Variants in DLGAP2 observed in about 807,000 individuals in gnomAD.
DLGAP2 encodes disks large-associated protein 2.
Under a neutral mutation model 100.3 loss-of-function variants are expected in DLGAP2, and 26 were observed. The observed-to-expected ratio is 0.26, with a 90% CI of 0.19 to 0.36. DLGAP2 has a LOEUF of 0.36. Ranked by LOEUF, DLGAP2 falls within the 10% of genes least tolerant of loss-of-function variation. The probability of loss-of-function intolerance (pLI) is 1.00; values close to 1 mark genes in which losing one functional copy is unlikely to be tolerated. For synonymous variants in DLGAP2, 886 were observed against 630.1 expected (o/e 1.41, Z -6.08); for missense variants, 1,858 against 1,453.2 (o/e 1.28, Z -4.53).
chr8:1,689,754 G>T (rs1024766373), intron 12 of DLGAP2, among the ~76,000 whole-genome samples: 1 of 152,174 alleles, frequency 6.6e-6, no homozygotes, highest in South Asian at 2.1e-4. Flanking sequence ...AGCCAGTGAT[G>T]GGGAGACGTG....
chr8:1,427,643 G>T (rs922101554), intron 3 of DLGAP2, among the ~76,000 whole-genome samples: 2 of 152,164 alleles, frequency 1.3e-5, no homozygotes, highest in Non-Finnish European at 2.9e-5. Flanking sequence ...CTGCTCTGTT[G>T]TCTTGATAGT....
chr8:999,146 C>G (rs983644005), intron 2 of DLGAP2, among the ~76,000 whole-genome samples: 1 of 151,978 alleles, frequency 6.6e-6, no homozygotes, highest in Non-Finnish European at 1.5e-5. Flanking sequence ...TTATTCTGCA[C>G]AAAGTTGAGA....
rs1799702993 is a variant in DLGAP2, at chr8:1,706,300, C to T, written c.*4894C>T. The stretch of plus-strand genomic sequence containing the variant: ...CTAGAAAGGGGATTACAGTTCCTGT[C>T]CCTGTCTTCCTCCAGGACACACTGT... On this transcript the variant is annotated 3_prime_UTR_variant, in exon 15 of 15. Transcript: ENST00000637795. 6.6e-6 allele frequency: 1 copy of T among 152,198 alleles called. No individual in the cohort carries two copies. Among genetic ancestry groups the T allele is most frequent in the South Asian group, 2.1e-4 (1 of 4,826 alleles). 9.4% of individuals were successfully genotyped at this position (152,198 alleles called of 1,614,324 possible). A position where few individuals can be genotyped will look rare whatever the true frequency, so the allele number is the denominator to read the frequency against.
chr8:1,245,104 C>A (rs553808426), intron 2 of DLGAP2, among the ~76,000 whole-genome samples: 1 of 152,300 alleles, frequency 6.6e-6, no homozygotes, highest in East Asian at 1.9e-4. Flanking sequence ...TAAGTGCTGG[C>A]AAGATCCTGG....
chr8:948,611 G>T (rs1799393666), intron 2 of DLGAP2, among the ~76,000 whole-genome samples: 2 of 152,346 alleles, frequency 1.3e-5, no homozygotes, highest in South Asian at 4.1e-4. Context: ...TCCTCAAGGC[G>T]CCGTGGAAGG....
intron 2 of DLGAP2, among the ~76,000 whole-genome samples, chr8:1,123,725 A>C (rs1034774325): frequency 6.6e-6 from 1 of 151,972 alleles, no homozygotes; most frequent in African/African-American, 2.4e-5. Context: ...TCCAGTTCCT[A>C]GGTGTCTCTC....
chr8:1,290,045 G>T (rs921979615), intron 3 of DLGAP2, among the ~76,000 whole-genome samples: 3 of 152,134 alleles, frequency 2.0e-5, no homozygotes, highest in Non-Finnish European at 4.4e-5. Flanking sequence ...ACTGTTCAGG[G>T]TCCCTGTTGT....
chr8:772,931 C>G (rs1322081529), intron 1 of DLGAP2, among the ~76,000 whole-genome samples: 1 of 152,158 alleles, frequency 6.6e-6, no homozygotes, highest in Non-Finnish European at 1.5e-5. Context: ...ATGGAATGCA[C>G]CCCAGATGCA....
At chr8:854,720 G>T (rs1797245235) in intron 1 of DLGAP2, among the ~76,000 whole-genome samples, 1 of 152,076 alleles carries the variant, frequency 6.6e-6, no homozygotes, top group South Asian at 2.1e-4. Flanking sequence ...GAGGGCCAGG[G>T]CTGTCTGCAG....
At chr8:1,541,956 C>T (rs1801376245) in intron 4 of DLGAP2, among the ~76,000 whole-genome samples, 1 of 152,210 alleles carries the variant, frequency 6.6e-6, no homozygotes, top group South Asian at 2.1e-4. Context: ...ATATGACTGT[C>T]ACAGGACCTT....
chr8:1,321,884 C>A (rs573340408), intron 3 of DLGAP2, among the ~76,000 whole-genome samples: 7 of 152,188 alleles, frequency 4.6e-5, no homozygotes, highest in Non-Finnish European at 8.8e-5. Context: ...TTAATATTCT[C>A]AGACCCATTC....
At chr8:915,479 G>A (rs1233418222) in intron 2 of DLGAP2, among the ~76,000 whole-genome samples, 3 of 152,004 alleles carry the variant, frequency 2.0e-5, no homozygotes, top group Admixed American at 6.6e-5. Context: ...CCCAGGAGGC[G>A]GAGCTTGCAG....
At chr8:1,471,645 A>G (rs567193009) in intron 3 of DLGAP2, among the ~76,000 whole-genome samples, 1 of 151,490 alleles carries the variant, frequency 6.6e-6, no homozygotes, top group African/African-American at 2.4e-5. Context: ...GGGATCCTCA[A>G]ACAACCACCC....
At chr8:1,175,022 A>C (rs1234906077) in intron 2 of DLGAP2, among the ~76,000 whole-genome samples, 1 of 152,192 alleles carries the variant, frequency 6.6e-6, no homozygotes, top group African/African-American at 2.4e-5. Context: ...TAGTCAGATG[A>C]CAGGAGAGAG....
chr8:1,458,014 A>ATATATAT (rs1491407935), intron 3 of DLGAP2, among the ~76,000 whole-genome samples: 11 of 113,632 alleles, frequency 9.7e-5, no homozygotes, highest in Admixed American at 1.9e-4. Context: ...ATATATATAT[A>ATATATAT]ATTTTTTATA....
chr8:1,102,186 A>G (rs1563192777), intron 2 of DLGAP2, among the ~76,000 whole-genome samples: 1 of 148,646 alleles, frequency 6.7e-6, no homozygotes, highest in South Asian at 2.1e-4. Context: ...ATAATTATAT[A>G]TAATATTGAA....
rs372577536 is a variant in DLGAP2, at chr8:1,194,894, G to A, written c.74-63957G>A. ...GGCTGTGTCTGTGCTTGGTGCTCAC[G>A]CTTTGCTGCTGAGACCACCTGGGCG... is the stretch of plus-strand genomic sequence containing the variant. On this transcript the variant is annotated intron_variant, in intron 2 of 14. Transcript: ENST00000637795. 2.1e-3 allele frequency among the ~76,000 whole-genome samples: 314 copies of A among 152,302 alleles called. 16 individuals carry two copies. The South Asian group carries it at 0.062, about 30-fold the overall frequency.
Position 948,689 on chromosome 8 carries a change from C to G in DLGAP2, c.73+40723C>G, listed in dbSNP as rs374013901. Among the ~76,000 whole-genome samples the G allele has an allele frequency of 2.9e-3, 449 of 152,376 alleles. 3 individuals are homozygous for G. The highest frequency in any genetic ancestry group is 0.01 in the African/African-American group (418 of 41,596). ...AATGCCGCGGCGCTGCCCGGCCCCA[C>G]GTCTCCCTGCTGCTCCAGCGCAGCC... On this transcript the variant is annotated intron_variant, in intron 2 of 14. Transcript: ENST00000637795.
chr8:1,575,014 GA>G (rs1479061808), intron 6 of DLGAP2, among the ~76,000 whole-genome samples: 1 of 152,178 alleles, frequency 6.6e-6, no homozygotes. Flanking sequence ...ACTACACAGG[GA>G]CAGAGAGAGG....
Sources: allele counts gnomAD v4.1 joint callset (sites outside exome capture counted in the v4.1 genomes callset), GRCh38; gene constraint gnomAD v4.1.1; transcripts MANE v1.5; gene names NCBI Gene and HGNC (gene_info 2026-07-23, HGNC 2026-07-21).